KPNA4: variants seen among roughly 807,000 people sequenced by gnomAD.
KPNA4 encodes karyopherin subunit alpha 4, also known as importin subunit alpha-3.
Under a neutral mutation model 71.3 loss-of-function variants are expected in KPNA4, and 13 were observed. The observed-to-expected ratio is 0.18, with a 90% CI of 0.12 to 0.29. KPNA4 has a LOEUF of 0.29. KPNA4 is among the 10% of genes least tolerant of loss of function. The pLI, the probability that KPNA4 is intolerant of heterozygous loss-of-function variation, is 1.00. For synonymous variants in KPNA4, 189 were observed against 195.2 expected (o/e 0.97, Z 0.26); for missense variants, 334 against 603.2 (o/e 0.55, Z 4.67).
chr3:160,514,571 TA>T (rs1721164302), intron 12 of KPNA4, among the ~76,000 whole-genome samples: 1 of 152,200 alleles, frequency 6.6e-6, no homozygotes, highest in South Asian at 2.1e-4. Flanking sequence ...TTCCCTCACA[TA>T]ATGTGCTTTA....
chr3:160,530,949 A>T lies in KPNA4; in HGVS notation c.384-9T>A. 1 of 1,591,772 alleles carries T rather than the reference A, an allele frequency of 6.3e-7. No homozygotes were observed. The highest frequency in any genetic ancestry group is 8.6e-7 in the Non-Finnish European group (1 of 1,167,870). ...CAAACTGTAAAGAAGGACTACAAAAAAAAACAAGTATTTTTAAACAGCAGG... is the reference window on the plus strand; with the variant it reads ...CAAACTGTAAAGAAGGACTACAAAATAAAACAAGTATTTTTAAACAGCAGG... On this transcript the variant is annotated splice_polypyrimidine_tract_variant and intron_variant, in intron 6 of 16. Coordinates refer to ENST00000334256, the MANE Select transcript of KPNA4 (RefSeq NM_002268.5).
intron 1 of KPNA4, among the ~76,000 whole-genome samples, chr3:160,551,724 T>A (rs1442438972): frequency 6.6e-6 from 1 of 152,174 alleles, no homozygotes; most frequent in African/African-American, 2.4e-5. Flanking sequence ...TAAACCAAAT[T>A]GAGAGCCTGA....
At chr3:160,523,193 GGGA>G (rs1472288876) in intron 10 of KPNA4, among the ~76,000 whole-genome samples, 1 of 152,214 alleles carries the variant, frequency 6.6e-6, no homozygotes, top group Non-Finnish European at 1.5e-5. Flanking sequence ...AAACTAGGCA[GGGA>G]GTAGTGGCTC....
intron 12 of KPNA4, 189 bp downstream of exon 12, chr3:160,515,258 TCATAA>T: frequency 1.5e-6 from 1 of 655,922 alleles, no homozygotes; most frequent in Non-Finnish European, 2.7e-6. Context: ...ATTGCACTTT[TCATAA>T]CTGGTTTTAT....
At chr3:160,511,701 G>A (rs1721097168) in intron 13 of KPNA4, among the ~76,000 whole-genome samples, 1 of 136,986 alleles carries the variant, frequency 7.3e-6, no homozygotes, top group Non-Finnish European at 1.6e-5. Context: ...GGGGCAATAC[G>A]GCTTTGTTAT....
intron 1 of KPNA4, among the ~76,000 whole-genome samples, chr3:160,545,406 ATC>A (rs77305371): frequency 0.22 from 33,599 of 152,120 alleles, 4,076 homozygotes; most frequent in Non-Finnish European, 0.27. Context: ...AAATGACAAA[ATC>A]TCTGTCTTCA....
At chr3:160,523,037 A>T (rs114869600) in intron 10 of KPNA4, among the ~76,000 whole-genome samples, 80 of 152,340 alleles carry the variant, frequency 5.3e-4, no homozygotes, top group Non-Finnish European at 1.0e-3. Flanking sequence ...AGTATGACAA[A>T]CAACTGTAAC....
At position 160,530,420 on chromosome 3, in the gene KPNA4, A is replaced by G. The variant is rs570044691; in HGVS notation, c.469+435T>C. 4.6e-5 allele frequency among the ~76,000 whole-genome samples: 7 copies of G among 152,214 alleles called. No homozygotes were observed. The East Asian group carries it at 1.4e-3, about 29-fold the overall frequency. ...CTTGAGCCTGGGAGGCCGAGGCTAC[A>G]GTGAGCTGAGATTGTGCCATTGTAT... On this transcript the variant is annotated intron_variant, in intron 7 of 16. Coordinates refer to ENST00000334256, the MANE Select transcript of KPNA4 (RefSeq NM_002268.5).
chr3:160,550,249 G>A (rs547708867), intron 1 of KPNA4, among the ~76,000 whole-genome samples: 21 of 152,268 alleles, frequency 1.4e-4, no homozygotes, highest in African/African-American at 5.1e-4. Flanking sequence ...ATGTTGAAGA[G>A]AAATGCCAAG....
chr3:160,558,751 CT>C (rs79683816), intron 1 of KPNA4, among the ~76,000 whole-genome samples: 2,587 of 151,856 alleles, frequency 0.017, 39 homozygotes, highest in African/African-American at 0.019. Flanking sequence ...AATACTAATA[CT>C]TTTTTTAAAA....
chr3:160,517,222 T>C (rs1721247801), intron 11 of KPNA4, among the ~76,000 whole-genome samples: 1 of 152,080 alleles, frequency 6.6e-6, no homozygotes, highest in Non-Finnish European at 1.5e-5. Flanking sequence ...AAAATGTATT[T>C]GGCCTTTTTT....
At chr3:160,510,385 T>C (rs1721066211) in intron 13 of KPNA4, among the ~76,000 whole-genome samples, 2 of 151,942 alleles carry the variant, frequency 1.3e-5, no homozygotes, top group African/African-American at 4.8e-5. Flanking sequence ...ACCAAGAAAA[T>C]AACATAAAGC....
intron 1 of KPNA4, among the ~76,000 whole-genome samples, chr3:160,552,651 C>T (rs768884944): frequency 3.3e-5 from 5 of 152,048 alleles, no homozygotes; most frequent in Non-Finnish European, 7.4e-5. Context: ...CAGGAATGGC[C>T]TCTGTGAGTA....
At position 160,565,482 on chromosome 3, in the gene KPNA4, C is replaced by T; in HGVS notation, c.-200G>A. On this transcript the variant is annotated 5_prime_UTR_variant, in exon 1 of 17. Transcript: ENST00000334256. Reference sequence around the variant, plus strand: ...CCCCCCCGCCCTAACCCCAGCGCGACTGCAGCTCCGGCAAAGACAACTGTG... The same window carrying T: ...CCCCCCCGCCCTAACCCCAGCGCGATTGCAGCTCCGGCAAAGACAACTGTG... 1 of 561,938 alleles carries T rather than the reference C, an allele frequency of 1.8e-6. No individual in the cohort carries two copies. Among genetic ancestry groups the T allele is most frequent in the Non-Finnish European group, 3.1e-6 (1 of 320,038 alleles). The allele number at this position is 561,938 out of a possible 1,614,324, so 34.8% of individuals were successfully genotyped here. A position where few individuals can be genotyped will look rare whatever the true frequency, so the allele number is the denominator to read the frequency against.
intron 13 of KPNA4, among the ~76,000 whole-genome samples, chr3:160,513,440 G>A (rs1721142895): frequency 6.6e-6 from 1 of 151,706 alleles, no homozygotes; most frequent in African/African-American, 2.4e-5. Flanking sequence ...TTTAAAAAAA[G>A]TTTTTGTAGA....
rs1720823318 is a variant in KPNA4 at position 160,499,007 on chromosome 3, C to A, written c.*3097G>T. The A allele has an allele frequency of 6.6e-6, 1 of 151,946 alleles. No individual in the cohort carries two copies. The highest frequency in any genetic ancestry group is 6.6e-5 in the Admixed American group (1 of 15,264). The allele number at this position is 151,946 out of a possible 1,614,324, so 9.4% of individuals were successfully genotyped here. ...CCCATAAATTACTGTTACAATAAAC[C>A]CAGTCATTTTACAATGCAGTTATAC... On this transcript the variant is annotated 3_prime_UTR_variant, in exon 17 of 17. Transcript: ENST00000334256.
rs943637033 is a variant in KPNA4 at position 160,504,630 on chromosome 3, T to C, written c.1467+328A>G. On this transcript the variant is annotated intron_variant, in intron 16 of 16. Transcript: ENST00000334256. ...ATAAAGAACTTATTACAGGATATAC[T>C]AGTATCACTGTTTTGTTTATAAATA... Among the ~76,000 whole-genome samples the C allele has an allele frequency of 6.6e-5, 10 of 152,310 alleles. No homozygotes were observed. The East Asian group carries it at 1.7e-3, about 26-fold the overall frequency.
rs886706248 is a variant in KPNA4, at chr3:160,496,254, T to G, written c.*5850A>C. ...AGTGAGCCAAGATGGCACCACTGCA[T>G]TCCTGCCTGGGCAACAAGAAAGAGT... On this transcript the variant is annotated 3_prime_UTR_variant, in exon 17 of 17. Coordinates refer to ENST00000334256, the MANE Select transcript of KPNA4 (RefSeq NM_002268.5). 1 of 152,428 alleles carries G rather than the reference T, an allele frequency of 6.6e-6. No homozygotes were observed. The highest frequency in any genetic ancestry group is 2.4e-5 in the African/African-American group (1 of 41,404). The allele number at this position is 152,428 out of a possible 1,614,324, so 9.4% of individuals were successfully genotyped here.
intron 12 of KPNA4, among the ~76,000 whole-genome samples, 183 bp from the exon 13 acceptor site, chr3:160,514,364 T>C (rs908594692): frequency 6.6e-6 from 1 of 152,224 alleles, no homozygotes; most frequent in Non-Finnish European, 1.5e-5. Context: ...AAACAGCTAA[T>C]GGACCTAATT....
Sources: allele counts gnomAD v4.1 joint callset (sites outside exome capture counted in the v4.1 genomes callset), GRCh38; gene constraint gnomAD v4.1.1; transcripts MANE v1.5; gene names NCBI Gene and HGNC (gene_info 2026-07-23, HGNC 2026-07-21).